The following VPS13B variants were observed in gnomAD, a reference collection of about 807,000 sequenced individuals.
The protein encoded by VPS13B is intermembrane lipid transfer protein VPS13B.
A neutral mutation model predicts 426.4 loss-of-function variants in VPS13B; 285 were observed. The observed-to-expected ratio is 0.67, with a 90% CI of 0.61 to 0.74. The LOEUF (loss-of-function observed/expected upper bound fraction) is 0.74, where lower values mean the gene tolerates loss of function less well. Among genes scored for constraint, VPS13B ranks in the 30% least tolerant of loss-of-function variants. The probability of loss-of-function intolerance (pLI) is 0.00; values close to 1 mark genes in which losing one functional copy is unlikely to be tolerated. For synonymous variants in VPS13B, 1,676 were observed against 1,676.4 expected (o/e 1.00, Z 0.01); for missense variants, 4,537 against 4,782.6 (o/e 0.95, Z 1.51).
chr8:99,286,647 C>G (rs929986161), intron 19 of VPS13B, among the ~76,000 whole-genome samples: 1 of 152,088 alleles, frequency 6.6e-6, no homozygotes, highest in South Asian at 2.1e-4. Flanking sequence ...ATGAAAGGTG[C>G]AGAGTAACAT....
At position 99,469,168 on chromosome 8, in the gene VPS13B, C is replaced by CTT. The variant is rs35646881; in HGVS notation, c.3666+1552_3666+1553dup. ...CATTATTTCATGTTTTCTTTCTTTC[C>CTT]TTTTTTTTTTTTTTTTTTTGACACA... On this transcript the variant is annotated intron_variant, in intron 24 of 61. Coordinates refer to ENST00000357162, the MANE Select transcript of VPS13B (RefSeq NM_152564.5). 7.0e-4 allele frequency among the ~76,000 whole-genome samples: 89 copies of CTT among 127,740 alleles called. 1 individual carries two copies. The highest frequency in any genetic ancestry group is 1.5e-3 in the African/African-American group (53 of 34,264). 83.8% of individuals were successfully genotyped at this position (127,740 alleles called of 152,430 possible).
intron 19 of VPS13B, among the ~76,000 whole-genome samples, chr8:99,316,352 T>C (rs1225470102): frequency 1.3e-5 from 2 of 152,166 alleles, no homozygotes; most frequent in Admixed American, 6.5e-5. Flanking sequence ...GTAGGGGCTT[T>C]TTGGCCCCAG....
At chr8:99,870,722 T>C (rs1018121791) in intron 59 of VPS13B, 63 bp from the exon 60 acceptor site, 15 of 1,470,914 alleles carry the variant, frequency 1.0e-5, no homozygotes, top group African/African-American at 1.4e-5. Context: ...GATGACATCA[T>C]TGCAGCATGA....
chr8:99,704,045 A>G (rs1340989632), intron 36 of VPS13B, among the ~76,000 whole-genome samples: 1 of 152,096 alleles, frequency 6.6e-6, no homozygotes, highest in Non-Finnish European at 1.5e-5. Context: ...CAGAATAGGG[A>G]AGAAGTTAGA....
At chr8:99,706,238 T>A (rs1219237395) in intron 36 of VPS13B, among the ~76,000 whole-genome samples, 1 of 152,142 alleles carries the variant, frequency 6.6e-6, no homozygotes, top group African/African-American at 2.4e-5. Context: ...TGTTCCTGGA[T>A]TTCAGTGTTT....
chr8:99,376,246 AC>A (rs1446975879), intron 19 of VPS13B, among the ~76,000 whole-genome samples: 1 of 152,190 alleles, frequency 6.6e-6, no homozygotes, highest in Non-Finnish European at 1.5e-5. Context: ...TCAATATCAA[AC>A]TAATTACCCA....
chr8:99,041,987 C>G (rs937136861), intron 3 of VPS13B, among the ~76,000 whole-genome samples: 3 of 151,452 alleles, frequency 2.0e-5, no homozygotes, highest in Admixed American at 1.3e-4. Context: ...ATTTGTAAGG[C>G]TGTTTATAGA....
intron 3 of VPS13B, among the ~76,000 whole-genome samples, chr8:99,089,470 A>T (rs1230308423): frequency 6.6e-6 from 1 of 152,194 alleles, no homozygotes; most frequent in African/African-American, 2.4e-5. Flanking sequence ...GAGACATAAG[A>T]CATCAATCAA....
In VPS13B at chr8:99,147,943, C is replaced by G. The variant is rs568537798; in HGVS notation, c.1946C>G (p.Thr649Ser). Residue 649 changes from threonine (T) to serine (S), a missense_variant, in exon 14 of 62, where the codon ACC becomes AGC. Thr to Ser is a moderately conservative substitution (Grantham distance 58, BLOSUM62 1). Transcript: ENST00000357162. ...RHTSVTLLKC[T>S]CTISMAEFNL... ...ACAAGTGTTACTCTCCTCAAATGTA[C>G]CTGCACAATTTCCATGGCTGAATTC... is the stretch of plus-strand genomic sequence containing the variant. 1 of 1,613,702 alleles carries G rather than the reference C, an allele frequency of 6.2e-7. No individual in the cohort carries two copies. Among genetic ancestry groups the G allele is most frequent in the Admixed American group, 1.7e-5 (1 of 59,990 alleles).
chr8:99,109,373 A>C (rs1479985793), intron 5 of VPS13B, among the ~76,000 whole-genome samples: 1 of 148,718 alleles, frequency 6.7e-6, no homozygotes, highest in Admixed American at 6.7e-5. Context: ...TGAATACTTC[A>C]CTTTTTCTTT....
At chr8:99,690,157 CCA>C (rs1831589951) in intron 35 of VPS13B, among the ~76,000 whole-genome samples, 1 of 151,982 alleles carries the variant, frequency 6.6e-6, no homozygotes, top group South Asian at 2.1e-4. Flanking sequence ...AATATTTTTC[CCA>C]CCAGCCTCTT....
chr8:99,219,711 A>G (rs1292588758), intron 17 of VPS13B, among the ~76,000 whole-genome samples: 1 of 152,212 alleles, frequency 6.6e-6, no homozygotes, highest in Admixed American at 6.5e-5. Flanking sequence ...TAATGGCCTT[A>G]GTTCATCCAT....
At chr8:99,536,605 G>A (rs1233447486) in intron 30 of VPS13B, 1 of 530,632 alleles carries the variant, frequency 1.9e-6, no homozygotes. Context: ...TTTGTATCCT[G>A]GGACCCCATT....
At chr8:99,346,147 G>A (rs563559388) in intron 19 of VPS13B, 19 of 152,500 alleles carry the variant, frequency 1.2e-4, no homozygotes, top group African/African-American at 4.6e-4. Flanking sequence ...GGTTCAGGAG[G>A]ATGGTTTCCT....
intron 5 of VPS13B, among the ~76,000 whole-genome samples, chr8:99,105,181 G>A (rs7843041): frequency 6.6e-6 from 1 of 152,158 alleles, no homozygotes. Flanking sequence ...CAACTTTGTT[G>A]TGAGCATAAA....
intron 35 of VPS13B, among the ~76,000 whole-genome samples, chr8:99,682,433 T>C (rs1831192425): frequency 1.3e-5 from 2 of 152,258 alleles, no homozygotes; most frequent in African/African-American, 2.4e-5. Flanking sequence ...TTATATTTTT[T>C]TGATACAAGT....
At chr8:99,349,702 T>G (rs186909258) in intron 19 of VPS13B, among the ~76,000 whole-genome samples, 7 of 152,218 alleles carry the variant, frequency 4.6e-5, no homozygotes, top group Non-Finnish European at 8.8e-5. Flanking sequence ...ATACATACTT[T>G]TCTATAATCG....
intron 3 of VPS13B, among the ~76,000 whole-genome samples, chr8:99,086,418 C>T (rs188721746): frequency 3.0e-4 from 45 of 152,276 alleles, no homozygotes; most frequent in Admixed American, 2.2e-3. Context: ...CCTCCTTTAG[C>T]TCAGAGTAGT....
chr8:99,277,372 C>T (rs1818951881), intron 19 of VPS13B, among the ~76,000 whole-genome samples: 1 of 152,054 alleles, frequency 6.6e-6, no homozygotes, highest in South Asian at 2.1e-4. Flanking sequence ...CACCCACATT[C>T]ATGGCTTAGG....
Sources: gnomAD v4.1 joint callset for allele counts (sites outside exome capture counted in the v4.1 genomes callset) on GRCh38, gnomAD v4.1.1 for gene constraint, MANE v1.5 for transcripts, NCBI Gene and HGNC (gene_info 2026-07-23, HGNC 2026-07-21) for gene names.